Variants in CNBD1 observed in about 807,000 individuals in gnomAD.
CNBD1 encodes cyclic nucleotide binding domain containing 1, also known as cyclic nucleotide-binding domain-containing protein 1.
CNBD1 carries 71 observed loss-of-function variants against 54.4 expected under a neutral mutation model. That is an observed-to-expected ratio of 1.30 (90% CI 1.08 to 1.59). The LOEUF is 1.59. Among genes scored for constraint, CNBD1 ranks in the 40% most tolerant of loss-of-function variants. The pLI is 0.00. For synonymous variants in CNBD1, 182 were observed against 170.7 expected (o/e 1.07, Z -0.51); for missense variants, 659 against 518.0 (o/e 1.27, Z -2.64).
chr8:87,419,086 G>A (rs1473598320), intron 2 of CNBD1, among the ~76,000 whole-genome samples: 1 of 141,104 alleles, frequency 7.1e-6, no homozygotes, highest in African/African-American at 2.8e-5. Flanking sequence ...AATATGGCAT[G>A]TCCATATTAT....
At chr8:87,248,763 T>A (rs1255340166) in intron 6 of CNBD1, among the ~76,000 whole-genome samples, 1 of 152,186 alleles carries the variant, frequency 6.6e-6, no homozygotes, top group Non-Finnish European at 1.5e-5. Context: ...TCTTTCCCCC[T>A]TTTCAAAGAA....
chr8:87,132,965 T>C (rs1812151559), intron 4 of CNBD1, among the ~76,000 whole-genome samples: 1 of 151,588 alleles, frequency 6.6e-6, no homozygotes, highest in African/African-American at 2.4e-5. Flanking sequence ...TTTCTCTAAA[T>C]TGAACAATAT....
intron 4 of CNBD1, among the ~76,000 whole-genome samples, chr8:87,106,923 A>AGAAGAATCGCTTGAACCTGGAAGGCGG (rs1811551416): frequency 6.6e-6 from 1 of 151,750 alleles, no homozygotes; most frequent in African/African-American, 2.4e-5. Flanking sequence ...TCCACCTCCC[A>AGAAGAATCGCTTGAACCTGGAAGGCGG]AGTTCAAGCA....
At chr8:86,884,749 A>G (rs1808656234) in intron 1 of CNBD1, among the ~76,000 whole-genome samples, 1 of 152,216 alleles carries the variant, frequency 6.6e-6, no homozygotes, top group Non-Finnish European at 1.5e-5. Context: ...TATTCTTACT[A>G]CAAAAGTTTG....
chr8:87,354,128 C>G (rs940764235), intron 10 of CNBD1, among the ~76,000 whole-genome samples: 5 of 152,134 alleles, frequency 3.3e-5, no homozygotes, highest in African/African-American at 1.2e-4. Flanking sequence ...GCAACCAGCC[C>G]TGCTCTGTGT....
At chr8:87,145,066 T>A (rs1258204405) in intron 4 of CNBD1, among the ~76,000 whole-genome samples, 2 of 152,110 alleles carry the variant, frequency 1.3e-5, no homozygotes, top group Non-Finnish European at 2.9e-5. Flanking sequence ...ATATAATGGG[T>A]GATGATATTC....
intron 10 of CNBD1, among the ~76,000 whole-genome samples, chr8:87,371,048 C>T (rs1276460741): frequency 5.3e-5 from 8 of 150,422 alleles, no homozygotes; most frequent in South Asian, 4.2e-4. Context: ...AGATATGCGG[C>T]GTTATTTCTG....
intron 4 of CNBD1, among the ~76,000 whole-genome samples, chr8:86,983,227 G>A (rs1808527527): frequency 6.6e-6 from 1 of 152,122 alleles, no homozygotes; most frequent in Non-Finnish European, 1.5e-5. Flanking sequence ...AAAAAGGGGA[G>A]TTTCCCTGCA....
At chr8:86,883,110 C>T (rs1276653223) in intron 1 of CNBD1, among the ~76,000 whole-genome samples, 1 of 151,906 alleles carries the variant, frequency 6.6e-6, no homozygotes, top group Non-Finnish European at 1.5e-5. Flanking sequence ...ATGCATATAA[C>T]AAACCACCAT....
intron 4 of CNBD1, among the ~76,000 whole-genome samples, chr8:87,085,880 G>A (rs1456465787): frequency 2.6e-5 from 4 of 152,102 alleles, no homozygotes; most frequent in Non-Finnish European, 5.9e-5. Flanking sequence ...CCCTAATCCA[G>A]CTAGGATTAG....
intron 4 of CNBD1, among the ~76,000 whole-genome samples, chr8:87,204,822 G>A (rs113006002): frequency 6.6e-6 from 1 of 152,054 alleles, no homozygotes; most frequent in African/African-American, 2.4e-5. Context: ...TTTAGGTTTT[G>A]GTTATGATAT....
intron 2 of CNBD1, among the ~76,000 whole-genome samples, chr8:87,397,865 C>G (rs770460462): frequency 2.0e-5 from 3 of 151,946 alleles, no homozygotes; most frequent in African/African-American, 7.2e-5. Context: ...GTGAATGGGT[C>G]TCACAGATGT....
At chr8:87,053,246 CA>C (rs1406576961) in intron 4 of CNBD1, among the ~76,000 whole-genome samples, 3 of 152,328 alleles carry the variant, frequency 2.0e-5, no homozygotes, top group East Asian at 1.9e-4. Flanking sequence ...CTCCTGTCTG[CA>C]GACAAAATCT....
At chr8:87,184,398 A>C (rs549517974) in intron 4 of CNBD1, among the ~76,000 whole-genome samples, 1 of 152,230 alleles carries the variant, frequency 6.6e-6, no homozygotes, top group East Asian at 1.9e-4. Flanking sequence ...AGCTGCTAAT[A>C]AACGCTAAAG....
chr8:87,145,560 G>A (rs1586288123), intron 4 of CNBD1, among the ~76,000 whole-genome samples: 1 of 152,120 alleles, frequency 6.6e-6, no homozygotes, highest in Non-Finnish European at 1.5e-5. Flanking sequence ...TGATAAGTAT[G>A]AGAACAATTA....
chr8:87,178,689 A>C (rs2130775379), intron 4 of CNBD1, among the ~76,000 whole-genome samples: 1 of 152,352 alleles, frequency 6.6e-6, no homozygotes, highest in South Asian at 2.1e-4. Context: ...ACATTAATCC[A>C]GGTAAACAGT....
At chr8:87,061,429 A>G (rs1232187393) in intron 4 of CNBD1, among the ~76,000 whole-genome samples, 1 of 152,206 alleles carries the variant, frequency 6.6e-6, no homozygotes, top group Non-Finnish European at 1.5e-5. Flanking sequence ...GAGCTAATTT[A>G]CTTTTTTCCT....
intron 6 of CNBD1, among the ~76,000 whole-genome samples, chr8:87,268,612 T>C (rs1808307581): frequency 6.6e-6 from 1 of 152,166 alleles, no homozygotes; most frequent in South Asian, 2.1e-4. Context: ...TATGACTTTT[T>C]AATAATAGCC....
chr8:87,334,508 G>A (rs949218852), intron 8 of CNBD1, among the ~76,000 whole-genome samples: 1 of 151,752 alleles, frequency 6.6e-6, no homozygotes, highest in African/African-American at 2.4e-5. Flanking sequence ...TTCCGATGTG[G>A]GCATTTAGTG....
Sources: gnomAD v4.1 joint callset for allele counts (sites outside exome capture counted in the v4.1 genomes callset) on GRCh38, gnomAD v4.1.1 for gene constraint, MANE v1.5 for transcripts, NCBI Gene and HGNC (gene_info 2026-07-23, HGNC 2026-07-21) for gene names.